Variants in SFXN5 observed in about 807,000 individuals in gnomAD.
SFXN5 encodes sideroflexin-5.
Under a neutral mutation model 50.2 loss-of-function variants are expected in SFXN5, and 43 were observed. The ratio of observed to expected loss-of-function variants is 0.86; its 90% CI spans 0.67 to 1.11. The LOEUF (loss-of-function observed/expected upper bound fraction) is 1.11, where lower values mean the gene tolerates loss of function less well. Among genes scored for constraint, SFXN5 ranks in the 50% least tolerant of loss-of-function variants. SFXN5 has a pLI of 0.00. For missense variants in SFXN5, 463 were observed against 454.1 expected (o/e 1.02, Z -0.18); for synonymous variants, 203 against 185.8 (o/e 1.09, Z -0.75).
intron 8 of SFXN5, among the ~76,000 whole-genome samples, chr2:73,000,057 G>C (rs10191232): frequency 0.032 from 4,800 of 152,292 alleles, 238 homozygotes; most frequent in African/African-American, 0.11. Flanking sequence ...TTTGGAGGAA[G>C]CTTTATGGGA....
chr2:73,010,013 C>T (rs1313201973), intron 6 of SFXN5, among the ~76,000 whole-genome samples: 1 of 152,206 alleles, frequency 6.6e-6, no homozygotes, highest in Non-Finnish European at 1.5e-5. Flanking sequence ...CCACATTCAA[C>T]TTTTGCCATT....
intron 11 of SFXN5, among the ~76,000 whole-genome samples, chr2:72,969,900 T>C (rs181997644): frequency 4.6e-5 from 7 of 152,102 alleles, no homozygotes; most frequent in Non-Finnish European, 1.0e-4. Context: ...GGTGGGAGTG[T>C]CCTTGCCAGA....
rs61359097 is a variant in SFXN5 at position 72,955,840 on chromosome 2, G to C, written c.945+5291C>G. ...AATCCAGAGCCCCAATCACCAAAGG[G>C]GGCAAGGCCAGAAAGGCCACCACAA... On this transcript the variant is annotated intron_variant, in intron 13 of 13. Transcript: ENST00000272433. Among the ~76,000 whole-genome samples, 61 of 152,294 alleles carry C rather than the reference G, an allele frequency of 4.0e-4. 1 individual carries two copies. The East Asian group carries it at 0.011, about 28-fold the overall frequency.
rs564031803 is a variant in SFXN5 at position 73,063,053 on chromosome 2, T to C, written c.103-4457A>G. Among the ~76,000 whole-genome samples the C allele has an allele frequency of 9.8e-5, 15 of 152,304 alleles. No homozygotes were observed. The East Asian group carries it at 2.1e-3, about 22-fold the overall frequency. On this transcript the variant is annotated intron_variant, in intron 1 of 13. Coordinates refer to ENST00000272433, the MANE Select transcript of SFXN5 (RefSeq NM_144579.3). ...GGAAATGAGGAAGAGCAGCCACAGATGATGCCTCACTTTCTAGTGAGACAT... is the reference window on the plus strand; with the variant it reads ...GGAAATGAGGAAGAGCAGCCACAGACGATGCCTCACTTTCTAGTGAGACAT...
intron 3 of SFXN5, among the ~76,000 whole-genome samples, chr2:73,031,884 A>G (rs983628229): frequency 2.6e-5 from 4 of 152,174 alleles, no homozygotes; most frequent in Non-Finnish European, 5.9e-5. Context: ...ATTAGGCAGA[A>G]GCAGGGACAG....
chr2:72,989,509 G>A (rs142653756), intron 9 of SFXN5, among the ~76,000 whole-genome samples: 2 of 152,098 alleles, frequency 1.3e-5, no homozygotes, highest in African/African-American at 2.4e-5. Flanking sequence ...ATGATGTCAC[G>A]GGACCGGATG....
At chr2:73,069,504 T>C (rs1683421236) in intron 1 of SFXN5, among the ~76,000 whole-genome samples, 1 of 152,040 alleles carries the variant, frequency 6.6e-6, no homozygotes, top group Non-Finnish European at 1.5e-5. Flanking sequence ...GAGGAGCAGA[T>C]ATGGAGGAAA....
At chr2:73,024,168 C>A (rs1000854207) in intron 3 of SFXN5, among the ~76,000 whole-genome samples, 8 of 151,732 alleles carry the variant, frequency 5.3e-5, no homozygotes, top group Non-Finnish European at 1.0e-4. Context: ...GGATTACAGG[C>A]GCGCACCACC....
chr2:73,026,621 G>A (rs989810511), intron 3 of SFXN5, among the ~76,000 whole-genome samples: 8 of 152,102 alleles, frequency 5.3e-5, no homozygotes, highest in African/African-American at 1.9e-4. Context: ...CCAACCTACT[G>A]CATTGCCATT....
chr2:72,977,541 T>C (rs1670766732), intron 10 of SFXN5, among the ~76,000 whole-genome samples: 2 of 152,224 alleles, frequency 1.3e-5, no homozygotes, highest in South Asian at 4.1e-4. Context: ...TTTTGGAGGC[T>C]AAACCTCATT....
chr2:73,050,109 A>C (rs1681047415), intron 2 of SFXN5, among the ~76,000 whole-genome samples: 1 of 152,142 alleles, frequency 6.6e-6, no homozygotes, highest in Non-Finnish European at 1.5e-5. Flanking sequence ...TAGGCCCCCA[A>C]GGCCTTGGAC....
At chr2:73,070,389 C>T (rs546742590) in intron 1 of SFXN5, 12 of 152,322 alleles carry the variant, frequency 7.9e-5, no homozygotes, top group African/African-American at 2.2e-4. Context: ...AAGCTCGGGG[C>T]ACCCCCTTGC....
In SFXN5 at chr2:72,970,713, A is replaced by T. The variant is rs569591521; in HGVS notation, c.741+857T>A. ...ACTGCGTTTTTTTTTTTTGAGACGGAGTTTCGCTGTTTCACCCAGGCTGGA... is the reference window on the plus strand; with the variant it reads ...ACTGCGTTTTTTTTTTTTGAGACGGTGTTTCGCTGTTTCACCCAGGCTGGA... On this transcript the variant is annotated intron_variant, in intron 11 of 13. Transcript: ENST00000272433. Among the ~76,000 whole-genome samples the T allele has an allele frequency of 2.7e-5, 4 of 150,158 alleles. No homozygotes were observed. In the South Asian group the frequency reaches 8.5e-4, roughly 32 times the overall value.
In SFXN5 at chr2:72,945,054, T is replaced by C. The variant is rs751219081; in HGVS notation, c.991A>G (p.Ser331Gly). The C allele has an allele frequency of 1.5e-5, 24 of 1,614,030 alleles. No homozygotes were observed. In the East Asian group the frequency reaches 5.3e-4, roughly 36 times the overall value. Residue 331 changes from serine (S) to glycine (G), a missense_variant, in exon 14 of 14, where the codon AGC (serine) becomes GGC (glycine). Ser to Gly is a moderately conservative substitution (Grantham distance 56). Transcript: ENST00000272433. The surrounding 1 kb of genome is among the most constrained non-coding windows in gnomAD (Gnocchi z 5.8). ...LEPEIAQATS[S>G]RTVVYNKGL The stretch of plus-strand genomic sequence containing the variant: ...CCCTTGTTGTACACCACTGTCCGGC[T>C]GCTCGTGGCCTGGGCTATCTCCGGC...
chr2:72,954,915 A>G (rs1224767920), intron 13 of SFXN5, among the ~76,000 whole-genome samples: 1 of 152,232 alleles, frequency 6.6e-6, no homozygotes. Context: ...TGGTTCTTAC[A>G]GGAAGAAACT....
rs903960434 is a variant in SFXN5, at chr2:72,992,961, G to A, written c.535-4613C>T. On this transcript the variant is annotated intron_variant, in intron 9 of 13. Coordinates refer to ENST00000272433, the MANE Select transcript of SFXN5 (RefSeq NM_144579.3). This position sits in a 1 kb window ranked among gnomAD's most constrained non-coding sequence, Gnocchi z 4.5. The stretch of plus-strand genomic sequence containing the variant: ...GGTCATGAAGGCTCCTGAGGAAGGG[G>A]ATGCCTGCCTGAGCCCTGAATAGGA... Among the ~76,000 whole-genome samples the A allele has an allele frequency of 6.6e-6, 1 of 152,212 alleles. No individual in the cohort carries two copies. The highest frequency in any genetic ancestry group is 2.4e-5 in the African/African-American group (1 of 41,448).
intron 2 of SFXN5, among the ~76,000 whole-genome samples, chr2:73,044,875 T>C (rs868843704): frequency 6.6e-6 from 1 of 152,058 alleles, no homozygotes; most frequent in Non-Finnish European, 1.5e-5. Context: ...CAGCACAGAA[T>C]TTGAACAGAG....
rs150531259 is a variant in SFXN5 at position 72,944,622 on chromosome 2, C to A, written c.*400G>T. ...TGGCTCGCCTCCACCTGTCCTCCTG[C>A]CACTTCTGGTCAGCTGAAACTAAGG... is the stretch of plus-strand genomic sequence containing the variant. On this transcript the variant is annotated 3_prime_UTR_variant, in exon 14 of 14. Transcript: ENST00000272433. 1.6e-3 allele frequency: 270 copies of A among 169,126 alleles called. 1 individual carries two copies. Among genetic ancestry groups the A allele is most frequent in the Middle Eastern group, 2.8e-3 (1 of 352 alleles). The allele number at this position is 169,126 out of a possible 1,614,324, so 10.5% of individuals were successfully genotyped here. A position where few individuals can be genotyped will look rare whatever the true frequency, so the allele number is the denominator to read the frequency against.
intron 13 of SFXN5, among the ~76,000 whole-genome samples, chr2:72,951,993 T>G (rs1312355740): frequency 6.6e-6 from 1 of 152,182 alleles, no homozygotes; most frequent in Non-Finnish European, 1.5e-5. Context: ...GGCCCCACCT[T>G]TGGGAGAGCT....
Sources: gnomAD v4.1 joint callset for allele counts (sites outside exome capture counted in the v4.1 genomes callset) on GRCh38, gnomAD v4.1.1 for gene constraint, Gnocchi (gnomAD v3.1) non-coding constraint, MANE v1.5 for transcripts, NCBI Gene and HGNC (gene_info 2026-07-23, HGNC 2026-07-21) for gene names.